MBD3: variants seen among roughly 807,000 people sequenced by gnomAD.
The protein encoded by MBD3 is methyl-CpG-binding domain protein 3.
MBD3 carries 13 observed loss-of-function variants against 31.2 expected under a neutral mutation model. That is an observed-to-expected ratio of 0.42 (90% CI 0.27 to 0.66). MBD3 has a LOEUF of 0.66. Ranked by LOEUF, MBD3 falls within the 30% of genes least tolerant of loss-of-function variation. The pLI, the probability that MBD3 is intolerant of heterozygous loss-of-function variation, is 0.26. For synonymous variants in MBD3, 223 were observed against 187.4 expected, an observed-to-expected ratio of 1.19 and a Z score of -1.55; for missense variants, 440 against 426.5, an observed-to-expected ratio of 1.03 and a Z score of -0.28.
At position 1,585,753 on chromosome 19, in the gene MBD3, C is replaced by A. The variant is rs1191452287; in HGVS notation, c.111-539G>T. Among the ~76,000 whole-genome samples the A allele has an allele frequency of 6.6e-6, 1 of 152,196 alleles. No homozygotes were observed. The highest frequency in any genetic ancestry group is 1.9e-4 in the East Asian group (1 of 5,202). The stretch of plus-strand genomic sequence containing the variant: ...CGGAGAACAGGTATGTGAGGGACAG[C>A]CCTAAAAGCAATCTTCTTCCACCTT... On this transcript the variant is annotated intron_variant, in intron 1 of 6. Coordinates refer to ENST00000434436, the MANE Select transcript of MBD3 (RefSeq NM_001281453.2). The surrounding 1 kb of genome is among the most constrained non-coding windows in gnomAD (Gnocchi z 4.1).
chr19:1,591,618 G>A (rs991717103), intron 1 of MBD3, among the ~76,000 whole-genome samples: 1 of 151,990 alleles, frequency 6.6e-6, no homozygotes, highest in African/African-American at 2.4e-5. Flanking sequence ...TGGGGGACCT[G>A]AAGGCGCCAC....
In MBD3 at chr19:1,585,667, C is replaced by T. The variant is rs1435218779; in HGVS notation, c.111-453G>A. 1.9e-5 allele frequency: 4 copies of T among 209,272 alleles called. No individual in the cohort carries two copies. Among genetic ancestry groups the T allele is most frequent in the African/African-American group, 9.5e-5 (4 of 42,192 alleles). 13.0% of individuals were successfully genotyped at this position (209,272 alleles called of 1,614,324 possible). ...TTGGGCCCCGGCTCTGGGAGGATGG[C>T]TCACATGTCCAGAACATTCCAGACA... is the stretch of plus-strand genomic sequence containing the variant. On this transcript the variant is annotated intron_variant, in intron 1 of 6. Coordinates refer to ENST00000434436, the MANE Select transcript of MBD3 (RefSeq NM_001281453.2). The surrounding 1 kb of genome is among the most constrained non-coding windows in gnomAD (Gnocchi z 4.1).
rs1917256978 is a variant in MBD3, at chr19:1,578,228, A to T, written c.*6-70T>A. The T allele has an allele frequency of 2.0e-6, 3 of 1,532,110 alleles. No homozygotes were observed. Among genetic ancestry groups the T allele is most frequent in the Non-Finnish European group, 2.7e-6 (3 of 1,126,384 alleles). 94.9% of individuals were successfully genotyped at this position (1,532,110 alleles called of 1,614,324 possible). A position where few individuals can be genotyped will look rare whatever the true frequency, so the allele number is the denominator to read the frequency against. On this transcript the variant is annotated intron_variant, in intron 6 of 6. Transcript: ENST00000434436. The surrounding 1 kb of genome is among the most constrained non-coding windows in gnomAD (Gnocchi z 6.1). Reference sequence around the variant, plus strand: ...GGGACGCTTGGGCTCTTCTAGGGAGATGGGAAGCTCTTGGGAGGCACCCGT... The same window carrying T: ...GGGACGCTTGGGCTCTTCTAGGGAGTTGGGAAGCTCTTGGGAGGCACCCGT...
At chr19:1,583,387 C>CAAAAAAAAAAAAAAAAAAAA (rs58372630) in intron 3 of MBD3, 1 of 66,454 alleles carries the variant, frequency 1.5e-5, no homozygotes, top group African/African-American at 5.7e-5. Flanking sequence ...GACTCTGTCA[C>CAAAAAAAAAAAAAAAAAAAA]AAAAAAAAAA....
intron 3 of MBD3, among the ~76,000 whole-genome samples, chr19:1,583,575 T>C (rs1215454400): frequency 6.6e-6 from 1 of 151,644 alleles, no homozygotes; most frequent in Non-Finnish European, 1.5e-5. Context: ...ATACAACAAC[T>C]GGCCAGGTGA....
At position 1,592,508 on chromosome 19, in the gene MBD3, G is replaced by A. The variant is rs754933535; in HGVS notation, c.110+14C>T. On this transcript the variant is annotated intron_variant, in intron 1 of 6. Coordinates refer to ENST00000434436, the MANE Select transcript of MBD3 (RefSeq NM_001281453.2). ...AGCCCGTTGAGGCCCTGCGCGGCCG[G>A]CGCGCTCATTCACCTATAGTAAAAG... is the stretch of plus-strand genomic sequence containing the variant. The A allele has an allele frequency of 5.1e-6, 7 of 1,370,292 alleles. No homozygotes were observed. Among genetic ancestry groups the A allele is most frequent in the African/African-American group, 1.5e-5 (1 of 64,812 alleles). 84.9% of individuals were successfully genotyped at this position (1,370,292 alleles called of 1,614,324 possible).
At chr19:1,591,307 G>C (rs547809592) in intron 1 of MBD3, among the ~76,000 whole-genome samples, 63 of 152,342 alleles carry the variant, frequency 4.1e-4, no homozygotes, top group Admixed American at 1.4e-3. Context: ...CCAGGAACCA[G>C]TCCCTGAGCT....
chr19:1,589,863 A>G (rs2060695893), intron 1 of MBD3, among the ~76,000 whole-genome samples: 1 of 152,018 alleles, frequency 6.6e-6, no homozygotes, highest in Non-Finnish European at 1.5e-5. Flanking sequence ...ATGAATGCAA[A>G]TGCAAGATAG....
chr19:1,592,405 C>CACGCACG lies in MBD3; in HGVS notation c.110+110_110+116dup, dbSNP rs1188892044. The stretch of plus-strand genomic sequence containing the variant: ...CACACGCACGCAAGACGCACGCACG[C>CACGCACG]ACGCACGACGCACGCGCGGGGCCCA... On this transcript the variant is annotated intron_variant, in intron 1 of 6. Coordinates refer to ENST00000434436, the MANE Select transcript of MBD3 (RefSeq NM_001281453.2). The CACGCACG allele has an allele frequency of 4.3e-4, 112 of 258,570 alleles. 1 individual carries two copies. Among genetic ancestry groups the CACGCACG allele is most frequent in the Non-Finnish European group, 5.8e-4 (85 of 147,666 alleles). The allele number at this position is 258,570 out of a possible 1,614,324, so 16.0% of individuals were successfully genotyped here.
chr19:1,588,417 C>A (rs894335580), intron 1 of MBD3, among the ~76,000 whole-genome samples: 2 of 152,122 alleles, frequency 1.3e-5, no homozygotes, highest in Non-Finnish European at 2.9e-5. Context: ...GAAGAAGAGA[C>A]CCCACAAAAC....
chr19:1,579,184 A>C (rs1917288838), intron 5 of MBD3, among the ~76,000 whole-genome samples: 1 of 100,802 alleles, frequency 9.9e-6, no homozygotes, highest in Non-Finnish European at 2.3e-5. Context: ...ATTCTGCCAA[A>C]AAAAAAAAAA....
intron 5 of MBD3, among the ~76,000 whole-genome samples, chr19:1,580,403 C>A (rs1220314794): frequency 6.6e-6 from 1 of 152,380 alleles, no homozygotes; most frequent in East Asian, 1.9e-4. Context: ...AGGAAACCCG[C>A]ATGCCCAGCG....
In MBD3 at chr19:1,577,949, G is replaced by A. The variant is rs1917245392; in HGVS notation, c.*215C>T. 4 of 338,338 alleles carry A rather than the reference G, an allele frequency of 1.2e-5. No homozygotes were observed. The highest frequency in any genetic ancestry group is 2.2e-5 in the Non-Finnish European group (4 of 178,014). The allele number at this position is 338,338 out of a possible 1,614,324, so 21.0% of individuals were successfully genotyped here. A position where few individuals can be genotyped will look rare whatever the true frequency, so the allele number is the denominator to read the frequency against. On this transcript the variant is annotated 3_prime_UTR_variant, in exon 7 of 7. Transcript: ENST00000434436. ...CCCGAAGCCGGACTCTGTAGAGGAC[G>A]AGCGTGGAGGGTCTTTCGGGTGGGG... is the stretch of plus-strand genomic sequence containing the variant.
intron 5 of MBD3, among the ~76,000 whole-genome samples, chr19:1,580,077 A>G (rs1034859513): frequency 2.0e-5 from 3 of 152,256 alleles, no homozygotes; most frequent in Non-Finnish European, 2.9e-5. Flanking sequence ...CAAGTTCTGC[A>G]GGGCTTTTAA....
At chr19:1,588,723 G>T (rs888976935) in intron 1 of MBD3, among the ~76,000 whole-genome samples, 2 of 145,984 alleles carry the variant, frequency 1.4e-5, no homozygotes, top group Non-Finnish European at 3.0e-5. Context: ...AGGTTGCAGT[G>T]AGCCGAGATC....
At position 1,592,660 on chromosome 19, in the gene MBD3, G is replaced by T; in HGVS notation, c.-29C>A. 2.0e-6 allele frequency: 2 copies of T among 1,015,406 alleles called. No homozygotes were observed. The highest frequency in any genetic ancestry group is 2.3e-5 in the South Asian group (1 of 42,876). The allele number at this position is 1,015,406 out of a possible 1,614,324, so 62.9% of individuals were successfully genotyped here. Reference sequence around the variant, plus strand: ...GCCCGGCTCCTCGGCCCGCCGCCGGGCCCGCCGCCGCCGCCCGGACCCCCA... The same window carrying T: ...GCCCGGCTCCTCGGCCCGCCGCCGGTCCCGCCGCCGCCGCCCGGACCCCCA... On this transcript the variant is annotated 5_prime_UTR_variant, in exon 1 of 7. Transcript: ENST00000434436.
At chr19:1,586,567 G>A (rs572114857) in intron 1 of MBD3, among the ~76,000 whole-genome samples, 1 of 152,200 alleles carries the variant, frequency 6.6e-6, no homozygotes. Flanking sequence ...GGAATGCAAT[G>A]GCTCAATCAC....
rs373499196 is a variant in MBD3, at chr19:1,581,508, C to A, written c.500-239G>T. 5 of 580,330 alleles carry A rather than the reference C, an allele frequency of 8.6e-6. No homozygotes were observed. In the Admixed American group the frequency reaches 1.4e-4, roughly 16 times the overall value. 35.9% of individuals were successfully genotyped at this position (580,330 alleles called of 1,614,324 possible). A position where few individuals can be genotyped will look rare whatever the true frequency, so the allele number is the denominator to read the frequency against. ...CTGTAATCCCAGCATCTTGGGAGGGCGAGGTGGGAGGACTGATTGAGCTTA... is the reference window on the plus strand; with the variant it reads ...CTGTAATCCCAGCATCTTGGGAGGGAGAGGTGGGAGGACTGATTGAGCTTA... On this transcript the variant is annotated intron_variant, in intron 4 of 6. Coordinates refer to ENST00000434436, the MANE Select transcript of MBD3 (RefSeq NM_001281453.2).
intron 2 of MBD3, 39 bp from the exon 3 acceptor site, chr19:1,584,716 C>A: frequency 6.3e-7 from 1 of 1,595,682 alleles, no homozygotes; most frequent in African/African-American, 1.3e-5. Context: ...CTGGGGGCGC[C>A]CCGGCGGCGC....
Sources: allele counts gnomAD v4.1 joint callset (sites outside exome capture counted in the v4.1 genomes callset), GRCh38; gene constraint gnomAD v4.1.1; non-coding constraint Gnocchi (gnomAD v3.1); transcripts MANE v1.5; gene names NCBI Gene and HGNC (gene_info 2026-07-23, HGNC 2026-07-21).